Variants in SYT16 observed in about 807,000 individuals in gnomAD.
The protein encoded by SYT16 is synaptotagmin-16.
In SYT16, 42 loss-of-function variants were observed where a neutral mutation model predicts 61.4. The observed-to-expected ratio is 0.68, with a 90% confidence interval of 0.53 to 0.89. The LOEUF is 0.89. Ranked by LOEUF, SYT16 falls within the 40% of genes least tolerant of loss-of-function variation. The pLI is 0.00. For synonymous variants in SYT16, 314 were observed against 302.3 expected, an observed-to-expected ratio of 1.04 and a Z score of -0.40; for missense variants, 804 against 807.3, an observed-to-expected ratio of 1.00 and a Z score of 0.05.
chr14:62,065,930 G>T (rs1226158770), intron 3 of SYT16, among the ~76,000 whole-genome samples: 2 of 152,250 alleles, frequency 1.3e-5, no homozygotes, highest in Non-Finnish European at 2.9e-5. Flanking sequence ...GGGAAATCCA[G>T]TCTCTTCTGA....
chr14:61,898,221 A>G (rs2048392865), intron 1 of SYT16, among the ~76,000 whole-genome samples: 1 of 152,150 alleles, frequency 6.6e-6, no homozygotes, highest in Non-Finnish European at 1.5e-5. Flanking sequence ...CTATAATTGA[A>G]TTCTTCCCTG....
intron 5 of SYT16, among the ~76,000 whole-genome samples, chr14:62,075,604 T>TAAAAAA (rs376818967): frequency 9.8e-5 from 6 of 61,416 alleles, no homozygotes; most frequent in African/African-American, 4.4e-4. Context: ...GGATGAACGG[T>TAAAAAA]AAAAAAAAAA....
chr14:61,819,261 T>C (rs1229811038), intron 1 of SYT16, among the ~76,000 whole-genome samples: 1 of 152,228 alleles, frequency 6.6e-6, no homozygotes, highest in Admixed American at 6.5e-5. Context: ...TTAACTATTA[T>C]TTAGCATTAT....
intron 3 of SYT16, among the ~76,000 whole-genome samples, chr14:62,019,783 T>A (rs778018895): frequency 6.6e-6 from 1 of 152,124 alleles, no homozygotes; most frequent in Non-Finnish European, 1.5e-5. Flanking sequence ...CTATGAGGTG[T>A]GATTGCAGTG....
At chr14:61,982,691 C>T (rs1257539643) in intron 2 of SYT16, among the ~76,000 whole-genome samples, 1 of 152,122 alleles carries the variant, frequency 6.6e-6, no homozygotes, top group Non-Finnish European at 1.5e-5. Context: ...TTGCTGGAGA[C>T]AGTAAAACTA....
chr14:61,835,441 G>A (rs555800122), intron 1 of SYT16, among the ~76,000 whole-genome samples: 22 of 151,720 alleles, frequency 1.5e-4, no homozygotes, highest in African/African-American at 4.8e-4. Context: ...TGTATTCTTA[G>A]TAGAGATGGG....
chr14:62,016,543 A>T (rs958144799), intron 3 of SYT16, among the ~76,000 whole-genome samples: 1 of 53,336 alleles, frequency 1.9e-5, no homozygotes, highest in East Asian at 1.0e-3. Context: ...AAAATACAAA[A>T]AAAAAAAAAA....
At chr14:61,959,825 C>G (rs952834133) in intron 1 of SYT16, among the ~76,000 whole-genome samples, 11 of 151,902 alleles carry the variant, frequency 7.2e-5, no homozygotes, top group Admixed American at 2.0e-4. Context: ...GGTGCACTAC[C>G]TTAGTTTTTT....
intron 1 of SYT16, among the ~76,000 whole-genome samples, chr14:61,824,405 T>C (rs1033659797): frequency 2.6e-5 from 4 of 152,130 alleles, no homozygotes; most frequent in African/African-American, 9.7e-5. Flanking sequence ...CAGGCTGGAG[T>C]GCAGTGGCAG....
At chr14:62,014,649 G>A (rs1201108598) in intron 3 of SYT16, among the ~76,000 whole-genome samples, 1 of 151,960 alleles carries the variant, frequency 6.6e-6, no homozygotes, top group Admixed American at 6.5e-5. Flanking sequence ...GGCCAGGCTG[G>A]ACTCAAACTC....
intron 1 of SYT16, among the ~76,000 whole-genome samples, chr14:61,875,889 G>C (rs543740123): frequency 9.3e-4 from 141 of 152,308 alleles, no homozygotes; most frequent in Non-Finnish European, 1.1e-3. Context: ...CTTTGTCCCA[G>C]GTGCCAAGGA....
chr14:61,817,010 C>CAAAAAAA (rs1491408669), intron 1 of SYT16, among the ~76,000 whole-genome samples: 4 of 3,986 alleles, frequency 1.0e-3, no homozygotes, highest in African/African-American at 1.1e-3. Context: ...GGCTCCGTCA[C>CAAAAAAA]ACACACACAC....
intron 1 of SYT16, among the ~76,000 whole-genome samples, chr14:61,884,734 C>T (rs2047834542): frequency 6.6e-6 from 1 of 152,024 alleles, no homozygotes; most frequent in East Asian, 1.9e-4. Context: ...CTTTTTTTTC[C>T]ACAGAAAATA....
chr14:62,038,918 C>A (rs1039132633), intron 3 of SYT16, among the ~76,000 whole-genome samples: 1 of 152,158 alleles, frequency 6.6e-6, no homozygotes, highest in Admixed American at 6.5e-5. Context: ...GCGTAGAGTT[C>A]TTTTGTGCCT....
intron 7 of SYT16, among the ~76,000 whole-genome samples, chr14:62,096,530 A>G (rs1446773896): frequency 1.3e-5 from 2 of 152,140 alleles, no homozygotes; most frequent in African/African-American, 4.8e-5. Flanking sequence ...AAATAAATGA[A>G]TCACATACAT....
At chr14:61,820,473 T>TG (rs2045580982) in intron 1 of SYT16, among the ~76,000 whole-genome samples, 2 of 124,950 alleles carry the variant, frequency 1.6e-5, no homozygotes, top group African/African-American at 3.2e-5. Context: ...TTCAGAGTTT[T>TG]TTTTTTTTTT....
intron 1 of SYT16, among the ~76,000 whole-genome samples, chr14:61,814,646 C>T (rs908080974): frequency 6.6e-6 from 1 of 152,172 alleles, no homozygotes; most frequent in African/African-American, 2.4e-5. Context: ...TGATATCTGA[C>T]CATCTCAGCT....
chr14:61,886,880 C>CTTTTTTTTTTTTTTTTGTTTT (rs371140698), intron 1 of SYT16, among the ~76,000 whole-genome samples: 1 of 110,832 alleles, frequency 9.0e-6, no homozygotes, highest in African/African-American at 3.3e-5. Flanking sequence ...TTTTTTTTGT[C>CTTTTTTTTTTTTTTTTGTTTT]TTTTTTTTTT....
chr14:62,068,513 G>A (rs1308374442), intron 3 of SYT16, among the ~76,000 whole-genome samples: 1 of 152,180 alleles, frequency 6.6e-6, no homozygotes, highest in Non-Finnish European at 1.5e-5. Flanking sequence ...GTGGATTATA[G>A]TGAATAAAAC....
Sources: allele counts gnomAD v4.1 joint callset (sites outside exome capture counted in the v4.1 genomes callset), GRCh38; gene constraint gnomAD v4.1.1; transcripts MANE v1.5; gene names NCBI Gene and HGNC (gene_info 2026-07-23, HGNC 2026-07-21).